The following SPEG variants were observed in gnomAD, a reference collection of about 807,000 sequenced individuals.
SPEG encodes the protein striated muscle preferentially expressed protein kinase.
SPEG carries 114 observed loss-of-function variants against 300.4 expected under a neutral mutation model. The ratio of observed to expected loss-of-function variants is 0.38; its 90% CI spans 0.33 to 0.44. SPEG has a LOEUF of 0.44. Ranked by LOEUF, SPEG falls within the 20% of genes least tolerant of loss-of-function variation. The probability of loss-of-function intolerance (pLI) is 1.00; values close to 1 mark genes in which losing one functional copy is unlikely to be tolerated. For missense variants in SPEG, 4,201 were observed against 4,586.2 expected, an observed-to-expected ratio of 0.92 and a Z score of 2.43; for synonymous variants, 1,964 against 2,018.9, an observed-to-expected ratio of 0.97 and a Z score of 0.73.
rs7599735 is a variant in SPEG, at chr2:219,457,941, G to T, written c.2441-3941G>T. 9.5e-3 allele frequency among the ~76,000 whole-genome samples: 1,450 copies of T among 152,116 alleles called. 24 individuals carry two copies. Among genetic ancestry groups the T allele is most frequent in the African/African-American group, 0.033 (1,372 of 41,490 alleles). On this transcript the variant is annotated intron_variant, in intron 6 of 40. Coordinates refer to ENST00000312358, the MANE Select transcript of SPEG (RefSeq NM_005876.5). ...CCTTCAGTTCTCTCTTTTTCCCTGG[G>T]CCAAAAGTCATCTCCCGCCTTCTAT...
In SPEG at chr2:219,469,360, C is replaced by T. The variant is rs751738051; in HGVS notation, c.3696C>T (p.Asp1232=). 1.5e-5 allele frequency: 25 copies of T among 1,613,580 alleles called. No homozygotes were observed. Among genetic ancestry groups the T allele is most frequent in the South Asian group, 8.8e-5 (8 of 91,062 alleles). The stretch of plus-strand genomic sequence containing the variant: ...ATGGCCACCGCATCCAGAGCAGCGA[C>T]GACCGGCGCATGACACAGTGTACGT... ...FHNGHRIQSS[D]DRRMTQYRDV... The change falls in exon 13 of 41, where the codon GAC becomes GAT. Residue 1232 remains aspartate, a synonymous_variant. Coordinates refer to ENST00000312358, the MANE Select transcript of SPEG (RefSeq NM_005876.5).
intron 31 of SPEG, 27 bp downstream of exon 31, chr2:219,485,504 C>A (rs1015631184): frequency 2.0e-6 from 3 of 1,515,452 alleles, no homozygotes; most frequent in Non-Finnish European, 2.7e-6. Flanking sequence ...TGGGTGAGGA[C>A]CCTCCTCCCC....
chr2:219,484,324 G>A lies in SPEG; in HGVS notation c.6861G>A (p.Pro2287=). The A allele has an allele frequency of 6.2e-7, 1 of 1,603,926 alleles. No homozygotes were observed. Among genetic ancestry groups the A allele is most frequent in the East Asian group, 2.2e-5 (1 of 44,706 alleles). ...TTGCCAGGGTGGCCTCCCCACCTCC[G>A]GGAGCCCCCGAGAAGCGCGTGCCCT... ...AVFARVASPP[P]GAPEKRVPSA... is the part of the protein sequence containing the mutation. The change falls in exon 30 of 41, where the codon CCG becomes CCA. Residue 2287 remains proline, a synonymous_variant. Transcript: ENST00000312358.
rs1203912192 is a variant in SPEG at position 219,492,730 on chromosome 2, G to T, written c.9748G>T (p.Ala3250Ser). The T allele has an allele frequency of 6.3e-7, 1 of 1,578,442 alleles. No homozygotes were observed. The highest frequency in any genetic ancestry group is 1.1e-5 in the South Asian group (1 of 88,372). ...EFLGEQRRRR[A>S]EAATRHKVLL... ...CCTGGGCGAGCAGCGGCGGCGCCGG[G>T]CTGAGGCTGCCACCCGCCACAAGGT... The change falls in exon 41 of 41, where the codon GCT (alanine) becomes TCT (serine). Residue 3250 changes from alanine to serine, a missense_variant. Ala to Ser is a moderately conservative substitution (Grantham distance 99). Around this residue, in one of 4 missense-constraint regions of SPEG, gnomAD observed 318 missense variants for 429.5 expected, o/e 0.74. Coordinates refer to ENST00000312358, the MANE Select transcript of SPEG (RefSeq NM_005876.5).
rs776555268 is a variant in SPEG at position 219,481,588 on chromosome 2, TCA to T, written c.5523-48_5523-47del. The T allele has an allele frequency of 1.2e-6, 2 of 1,608,892 alleles. No homozygotes were observed. The highest frequency in any genetic ancestry group is 8.5e-7 in the Non-Finnish European group (1 of 1,175,256). ...GAGCCCTGTTTGCTCAGTTATTGAC[TCA>T]CTGATGACTGAACGATAAATCCCTT... On this transcript the variant is annotated intron_variant, in intron 27 of 40. Transcript: ENST00000312358. This position sits in a 1 kb window ranked among gnomAD's most constrained non-coding sequence, Gnocchi z 5.4.
chr2:219,467,523 C>G (rs1482625938), intron 10 of SPEG, 89 bp downstream of exon 10: 31 of 1,468,352 alleles, frequency 2.1e-5, no homozygotes, highest in Non-Finnish European at 2.7e-5. Flanking sequence ...GCCTGGGAAA[C>G]AGAGCTCCAA....
At chr2:219,474,223 C>A (rs1425013834) in intron 18 of SPEG, 7 of 207,538 alleles carry the variant, frequency 3.4e-5, no homozygotes, top group African/African-American at 1.6e-4. Flanking sequence ...ACTAAAAATA[C>A]AAAAATTAGC....
rs1413276930 is a variant in SPEG, at chr2:219,469,196, G to C, written c.3532G>C (p.Glu1178Gln). The C allele has an allele frequency of 6.2e-7, 1 of 1,613,706 alleles. No individual in the cohort carries two copies. ...GATGCCATCCATTCCCGAGGAGCCA[G>C]AGCAGGGTGAGCTGGAGCGGCTGTC... ...EKMPSIPEEP[E>Q]QGELERLSIP... Residue 1178 changes from glutamate to glutamine, a missense_variant, in exon 13 of 41, where the codon GAG becomes CAG. Transcript: ENST00000312358.
Position 219,479,738 on chromosome 2 carries a change from T to G in SPEG, c.5086-45T>G. The stretch of plus-strand genomic sequence containing the variant: ...TTGCCGCCCTGGAGGTGTTCAGACA[T>G]ACACCACCCTTCCCCCTCAGACTCT... On this transcript the variant is annotated intron_variant, in intron 23 of 40. Coordinates refer to ENST00000312358, the MANE Select transcript of SPEG (RefSeq NM_005876.5). This position sits in a 1 kb window ranked among gnomAD's most constrained non-coding sequence, Gnocchi z 5.5. 6.3e-7 allele frequency: 1 copy of G among 1,586,106 alleles called. No individual in the cohort carries two copies. Among genetic ancestry groups the G allele is most frequent in the Non-Finnish European group, 8.7e-7 (1 of 1,155,558 alleles).
chr2:219,492,180 C>T lies in SPEG; in HGVS notation c.9531C>T (p.Arg3177=). 1 of 1,613,758 alleles carries T rather than the reference C, an allele frequency of 6.2e-7. No individual in the cohort carries two copies. The highest frequency in any genetic ancestry group is 8.5e-7 in the Non-Finnish European group (1 of 1,179,928). ...CGGAGGCTCGGATTGTGGGGGGCCGCTTTGATGCCTTCCAGCTGTACCCCA... is the reference window on the plus strand; with the variant it reads ...CGGAGGCTCGGATTGTGGGGGGCCGTTTTGATGCCTTCCAGCTGTACCCCA... ...QETEARIVGG[R]FDAFQLYPNT... The change falls in exon 40 of 41, where the codon CGC becomes CGT. Residue 3177 remains arginine (R), a synonymous_variant. Coordinates refer to ENST00000312358, the MANE Select transcript of SPEG (RefSeq NM_005876.5).
chr2:219,448,854 G>A lies in SPEG; in HGVS notation c.1696G>A (p.Asp566Asn), dbSNP rs1192068042. 5.0e-6 allele frequency: 7 copies of A among 1,402,040 alleles called. No homozygotes were observed. The East Asian group carries it at 1.5e-4, about 30-fold the overall frequency. 86.8% of individuals were successfully genotyped at this position (1,402,040 alleles called of 1,614,324 possible). The change falls in exon 4 of 41, where the codon GAC becomes AAC. Residue 566 changes from aspartate (D) to asparagine (N), a missense_variant. Transcript: ENST00000312358. ...TCCGAGCAGCGCGGAGAAGCCGGGG[G>A]ACGAGCCTGGGAGGCCCAGGAGCCG... ...PSPSSAEKPG[D>N]EPGRPRSRGP... is the part of the protein sequence containing the mutation.
Position 219,482,097 on chromosome 2 carries a change from G to T in SPEG, c.5565+417G>T, listed in dbSNP as rs578256544. ...TTGGTTATGAGCTTCATGTGAGCAGGTTCTCGGTTCTCACTCATTCATCTT... is the reference window on the plus strand; with the variant it reads ...TTGGTTATGAGCTTCATGTGAGCAGTTTCTCGGTTCTCACTCATTCATCTT... On this transcript the variant is annotated intron_variant, in intron 28 of 40. Coordinates refer to ENST00000312358, the MANE Select transcript of SPEG (RefSeq NM_005876.5). The T allele has an allele frequency of 6.8e-5, 16 of 233,908 alleles. No homozygotes were observed. In the Admixed American group the frequency reaches 7.4e-4, roughly 11 times the overall value. 14.5% of individuals were successfully genotyped at this position (233,908 alleles called of 1,614,324 possible).
intron 1 of SPEG, among the ~76,000 whole-genome samples, chr2:219,438,700 G>C (rs1198271069): frequency 2.0e-5 from 3 of 152,192 alleles, no homozygotes; most frequent in Non-Finnish European, 4.4e-5. Flanking sequence ...GAGAAGAGGT[G>C]AGCTGATGAT....
In SPEG at chr2:219,444,051, A is replaced by G. The variant is rs763287888; in HGVS notation, c.389-602A>G. The G allele has an allele frequency of 7.3e-7, 1 of 1,365,836 alleles. No individual in the cohort carries two copies. Among genetic ancestry groups the G allele is most frequent in the Admixed American group, 1.9e-5 (1 of 52,534 alleles). 84.6% of individuals were successfully genotyped at this position (1,365,836 alleles called of 1,614,324 possible). On this transcript the variant is annotated intron_variant, in intron 1 of 40. Coordinates refer to ENST00000312358, the MANE Select transcript of SPEG (RefSeq NM_005876.5). This position sits in a 1 kb window ranked among gnomAD's most constrained non-coding sequence, Gnocchi z 7.8. ...GAAGTTTTCCGCTCCTGCAGAAAGC[A>G]AAGTTACGGTAGGAAACTGGCTCCT...
Position 219,479,292 on chromosome 2 carries a change from T to C in SPEG, c.5085+91T>C, listed in dbSNP as rs1692619110. 5.2e-6 allele frequency: 6 copies of C among 1,145,762 alleles called. No individual in the cohort carries two copies. The Admixed American group carries it at 9.3e-5, about 18-fold the overall frequency. 71.0% of individuals were successfully genotyped at this position (1,145,762 alleles called of 1,614,324 possible). On this transcript the variant is annotated intron_variant, in intron 23 of 40. Transcript: ENST00000312358. The surrounding 1 kb of genome is among the most constrained non-coding windows in gnomAD (Gnocchi z 5.5). ...CAACAAATGGGTCCTGAGTGTGCCA[T>C]CTGTGCCCACAGGAAGCCAGGGGTG...
chr2:219,480,218 G>T lies in SPEG; in HGVS notation c.5342+78G>T. The T allele has an allele frequency of 6.8e-7, 1 of 1,466,416 alleles. No individual in the cohort carries two copies. 90.8% of individuals were successfully genotyped at this position (1,466,416 alleles called of 1,614,324 possible). A position where few individuals can be genotyped will look rare whatever the true frequency, so the allele number is the denominator to read the frequency against. On this transcript the variant is annotated intron_variant, in intron 25 of 40. Transcript: ENST00000312358. This position sits in a 1 kb window ranked among gnomAD's most constrained non-coding sequence, Gnocchi z 5.3. ...TGCTGGGGACGCGCTCACTGGCAGG[G>T]AGATTTACCGAGCCTGAATTCCTCC...
chr2:219,473,269 G>T lies in SPEG; in HGVS notation c.4147+173G>T. On this transcript the variant is annotated intron_variant, in intron 16 of 40. Coordinates refer to ENST00000312358, the MANE Select transcript of SPEG (RefSeq NM_005876.5). The surrounding 1 kb of genome is among the most constrained non-coding windows in gnomAD (Gnocchi z 4.6). ...CCTTCTCCCTCCTGAAAGCAGCAGG[G>T]CACGGTGGCTGAAGCTCAGGCTTTG... 1.3e-6 allele frequency: 1 copy of T among 768,226 alleles called. No individual in the cohort carries two copies. The highest frequency in any genetic ancestry group is 2.1e-6 in the Non-Finnish European group (1 of 484,274). The allele number at this position is 768,226 out of a possible 1,614,324, so 47.6% of individuals were successfully genotyped here.
chr2:219,485,221 G>T, intron 30 of SPEG, 125 bp from the exon 31 acceptor site: 3 of 1,488,852 alleles, frequency 2.0e-6, no homozygotes, highest in Non-Finnish European at 2.7e-6. Flanking sequence ...GGGGAGGAAA[G>T]CAGGAATGGC....
rs375637468 is a variant in SPEG, at chr2:219,467,403, C to T, written c.3111C>T (p.Gly1037=). 50 of 1,610,780 alleles carry T rather than the reference C, an allele frequency of 3.1e-5. No individual in the cohort carries two copies. The African/African-American group carries it at 4.3e-4, about 14-fold the overall frequency. The change falls in exon 10 of 41, where the codon GGC becomes GGT. Residue 1037 remains glycine (G), a synonymous_variant. Coordinates refer to ENST00000312358, the MANE Select transcript of SPEG (RefSeq NM_005876.5). The part of the protein sequence containing the change: ...LLTSVHEDDS[G]VYTCKLSTAK... ...CATCTGTACATGAGGACGACAGTGG[C>T]GTCTACACCTGCAAGCTCAGCACGG...
Sources: gnomAD v4.1 joint callset for allele counts (sites outside exome capture counted in the v4.1 genomes callset) on GRCh38, gnomAD v4.1.1 for gene constraint, gnomAD v4.1.1 regional missense constraint, Gnocchi (gnomAD v3.1) non-coding constraint, MANE v1.5 for transcripts, NCBI Gene and HGNC (gene_info 2026-07-23, HGNC 2026-07-21) for gene names.